GPR149: variants seen among roughly 807,000 people sequenced by gnomAD.
GPR149 encodes the protein G protein-coupled receptor 149, also known as probable G protein-coupled receptor 149.
Under a neutral mutation model 50.2 loss-of-function variants are expected in GPR149, and 50 were observed. The observed-to-expected ratio is 1.00, with a 90% confidence interval of 0.79 to 1.26. The LOEUF (loss-of-function observed/expected upper bound fraction) is 1.26. Among genes scored for constraint, GPR149 ranks in the 50% most tolerant of loss-of-function variants. GPR149 has a pLI of 0.00. For synonymous variants in GPR149, 405 were observed against 358.2 expected, an observed-to-expected ratio of 1.13 and a Z score of -1.48; for missense variants, 983 against 895.4, an observed-to-expected ratio of 1.10 and a Z score of -1.25.
At chr3:154,421,793 A>G (rs1357010569) in intron 2 of GPR149, among the ~76,000 whole-genome samples, 1 of 151,754 alleles carries the variant, frequency 6.6e-6, no homozygotes, top group Non-Finnish European at 1.5e-5. Flanking sequence ...GAAATTCTCA[A>G]ATACATTGTT....
chr3:154,376,026 C>A (rs1288850472), intron 3 of GPR149, among the ~76,000 whole-genome samples: 1 of 152,212 alleles, frequency 6.6e-6, no homozygotes, highest in Non-Finnish European at 1.5e-5. Flanking sequence ...ATACCACTGG[C>A]TTTCCAGCTT....
chr3:154,427,070 A>C (rs1026589803), intron 2 of GPR149, among the ~76,000 whole-genome samples: 3 of 152,166 alleles, frequency 2.0e-5, no homozygotes, highest in African/African-American at 7.2e-5. Flanking sequence ...TAATGTTATA[A>C]TGTAATGAGT....
At chr3:154,361,662 T>A (rs1012463406) in intron 3 of GPR149, among the ~76,000 whole-genome samples, 1 of 152,140 alleles carries the variant, frequency 6.6e-6, no homozygotes, top group East Asian at 1.9e-4. Flanking sequence ...CTATCAAAAC[T>A]TGTTAGGGTT....
intron 3 of GPR149, among the ~76,000 whole-genome samples, chr3:154,388,363 T>C (rs1363699949): frequency 1.3e-5 from 2 of 151,954 alleles, no homozygotes; most frequent in East Asian, 3.9e-4. Context: ...AAGTGCCAAT[T>C]TGGAATCCAA....
At chr3:154,378,079 C>A (rs1714832841) in intron 3 of GPR149, among the ~76,000 whole-genome samples, 1 of 57,678 alleles carries the variant, frequency 1.7e-5, no homozygotes, top group Non-Finnish European at 2.9e-5. Flanking sequence ...ATTGATATAT[C>A]CCCCCCCCCT....
At chr3:154,387,807 AAAAAC>A (rs1253743689) in intron 3 of GPR149, among the ~76,000 whole-genome samples, 4 of 152,182 alleles carry the variant, frequency 2.6e-5, no homozygotes, top group Non-Finnish European at 5.9e-5. Flanking sequence ...TACCCTCAGG[AAAAAC>A]AAAACAAATC....
chr3:154,400,648 G>T (rs941977688), intron 3 of GPR149, among the ~76,000 whole-genome samples: 2 of 152,166 alleles, frequency 1.3e-5, no homozygotes, highest in African/African-American at 2.4e-5. Context: ...TGAATTACAT[G>T]ACATCATCTC....
At chr3:154,383,086 G>T (rs900267804) in intron 3 of GPR149, among the ~76,000 whole-genome samples, 5 of 152,172 alleles carry the variant, frequency 3.3e-5, no homozygotes, top group Non-Finnish European at 7.3e-5. Context: ...TGCAGGAAAA[G>T]GGGTGCTATA....
rs201040008 is a variant in GPR149, at chr3:154,427,528, C to G, written c.1162G>C (p.Asp388His). Reference sequence around the variant, plus strand: ...GTTGAGGACTTACTTTTTTTCCCATCGGACGCCACTGCATATGCGTTCTGC... The same window carrying G: ...GTTGAGGACTTACTTTTTTTCCCATGGGACGCCACTGCATATGCGTTCTGC... ...CRQNAYAVAS[D>H]GKKIKRKGFE... Residue 388 changes from aspartate to histidine, a missense_variant, in exon 2 of 4, where the codon GAT (aspartate) becomes CAT (histidine). Physicochemically the swap from Asp to His is moderately conservative, Grantham distance 81 (BLOSUM62 -1). Coordinates refer to ENST00000389740, the MANE Select transcript of GPR149 (RefSeq NM_001038705.3). The G allele has an allele frequency of 6.2e-7, 1 of 1,603,984 alleles. No individual in the cohort carries two copies. The highest frequency in any genetic ancestry group is 8.5e-7 in the Non-Finnish European group (1 of 1,176,778).
intron 3 of GPR149, among the ~76,000 whole-genome samples, chr3:154,417,405 T>C (rs1234104908): frequency 1.3e-5 from 2 of 152,012 alleles, no homozygotes; most frequent in Non-Finnish European, 2.9e-5. Context: ...TTTGATGATA[T>C]TCTCACTCCT....
chr3:154,401,921 A>C (rs1559985734), intron 3 of GPR149, among the ~76,000 whole-genome samples: 2 of 152,180 alleles, frequency 1.3e-5, no homozygotes, highest in Non-Finnish European at 1.5e-5. Flanking sequence ...CCTATGTTTA[A>C]ATCAAAAGGT....
At chr3:154,348,444 C>T (rs1474063211) in intron 3 of GPR149, among the ~76,000 whole-genome samples, 4 of 151,962 alleles carry the variant, frequency 2.6e-5, no homozygotes, top group South Asian at 2.1e-4. Flanking sequence ...AAAGGGAAAA[C>T]AAGAGTGGCT....
At position 154,351,311 on chromosome 3, in the gene GPR149, T is replaced by TGCAAAAAAAAAAAAAAAAAA. The variant is rs1341107044; in HGVS notation, c.1624-13041_1624-13040insTTTTTTTTTTTTTTTTTTGC. 1.5e-4 allele frequency among the ~76,000 whole-genome samples: 3 copies of TGCAAAAAAAAAAAAAAAAAA among 19,680 alleles called. 1 individual carries two copies. Among genetic ancestry groups the TGCAAAAAAAAAAAAAAAAAA allele is most frequent in the African/African-American group, 2.0e-4 (1 of 5,018 alleles). The allele number at this position is 19,680 out of a possible 152,430, so 12.9% of individuals were successfully genotyped here. A position where few individuals can be genotyped will look rare whatever the true frequency, so the allele number is the denominator to read the frequency against. On this transcript the variant is annotated intron_variant, in intron 3 of 3. Coordinates refer to ENST00000389740, the MANE Select transcript of GPR149 (RefSeq NM_001038705.3). ...GTGCTAGGGCAATTAGACATCCACA[T>TGCAAAAAAAAAAAAAAAAAA]ACAAAAAAAAAAAAAAAAAAAAAAA...
chr3:154,352,412 T>A (rs1415330732), intron 3 of GPR149: 2 of 938,534 alleles, frequency 2.1e-6, no homozygotes, highest in Non-Finnish European at 3.5e-6. Context: ...CGTGCCACAC[T>A]GCCTGTAACC....
At position 154,336,603 on chromosome 3, in the gene GPR149, C is replaced by G. The variant is rs1559966908; in HGVS notation, c.*1096G>C. ...CTGCATTTTTGCAATGTAATGCATTCTAGAATTATCTTGAAATGTATACCT... is the reference window on the plus strand; with the variant it reads ...CTGCATTTTTGCAATGTAATGCATTGTAGAATTATCTTGAAATGTATACCT... On this transcript the variant is annotated 3_prime_UTR_variant, in exon 4 of 4. Transcript: ENST00000389740. The G allele has an allele frequency of 6.6e-6, 1 of 151,984 alleles. No individual in the cohort carries two copies. The highest frequency in any genetic ancestry group is 1.5e-5 in the Non-Finnish European group (1 of 67,922). 9.4% of individuals were successfully genotyped at this position (151,984 alleles called of 1,614,324 possible).
rs768027401 is a variant in GPR149 at position 154,421,221 on chromosome 3, C to A, written c.1441G>T (p.Ala481Ser). The A allele has an allele frequency of 1.2e-6, 2 of 1,613,492 alleles. No individual in the cohort carries two copies. The highest frequency in any genetic ancestry group is 1.7e-6 in the Non-Finnish European group (2 of 1,179,598). Residue 481 changes from alanine (A) to serine (S), a missense_variant, in exon 3 of 4, where the codon GCT (alanine) becomes TCT (serine). Ala to Ser is a moderately conservative substitution (Grantham distance 99). Transcript: ENST00000389740. Reference protein sequence around the residue: ...NKCTNTDITEAKQDSNNKKDA... With the variant: ...NKCTNTDITESKQDSNNKKDA... The stretch of plus-strand genomic sequence containing the variant: ...TTTTTGTTGTTGGAATCCTGTTTAG[C>A]TTCTGTAATATCAGTATTTGTGCAT...
At chr3:154,404,496 A>G (rs1390864933) in intron 3 of GPR149, among the ~76,000 whole-genome samples, 4 of 152,232 alleles carry the variant, frequency 2.6e-5, no homozygotes, top group African/African-American at 7.2e-5. Flanking sequence ...CAATTAAATC[A>G]TAACTTCTAT....
intron 2 of GPR149, among the ~76,000 whole-genome samples, chr3:154,422,251 G>A (rs1028091200): frequency 6.6e-6 from 1 of 151,504 alleles, no homozygotes; most frequent in Non-Finnish European, 1.5e-5. Flanking sequence ...AATAATTATA[G>A]TACTATTAGT....
Position 154,429,337 on chromosome 3 carries a change from C to T in GPR149, c.279G>A (p.Trp93Ter). The T allele has an allele frequency of 6.2e-7, 1 of 1,614,142 alleles. No individual in the cohort carries two copies. Among genetic ancestry groups the T allele is most frequent in the Non-Finnish European group, 8.5e-7 (1 of 1,180,012 alleles). The change falls in exon 1 of 4, where the codon TGG becomes TGA. Residue 93 changes from tryptophan to a stop codon, truncating the protein, a stop_gained. Transcript: ENST00000389740. LOFTEE classifies it high-confidence loss of function. Reference sequence around the variant, plus strand: ...GGAAGTAACCGGGGACCTCGTTTGGCCACTGCAAAAACATGAAGATGGTCA... The same window carrying T: ...GGAAGTAACCGGGGACCTCGTTTGGTCACTGCAAAAACATGAAGATGGTCA... ...LSVTIFMFLQ[W>*]PNEVPGYFQF...
Sources: allele counts gnomAD v4.1 joint callset (sites outside exome capture counted in the v4.1 genomes callset), GRCh38; gene constraint gnomAD v4.1.1; transcripts MANE v1.5; gene names NCBI Gene and HGNC (gene_info 2026-07-23, HGNC 2026-07-21).